TMEM44: variants seen among roughly 807,000 people sequenced by gnomAD.
TMEM44 encodes the protein transmembrane protein 44.
Under a neutral mutation model 47.8 loss-of-function variants are expected in TMEM44, and 43 were observed. That is an observed-to-expected ratio of 0.90 (90% CI 0.70 to 1.16). The LOEUF (loss-of-function observed/expected upper bound fraction) is 1.16, where lower values mean the gene tolerates loss of function less well. TMEM44 is among the 50% of genes most tolerant of loss of function. The pLI is 0.00. For missense variants in TMEM44, 568 were observed against 555.2 expected (o/e 1.02, Z -0.23); for synonymous variants, 277 against 238.8 (o/e 1.16, Z -1.48).
chr3:194,594,121 A>ATCTGTCTGTCTGTCTG (rs754572078), intron 9 of TMEM44, among the ~76,000 whole-genome samples: 5 of 70,472 alleles, frequency 7.1e-5, no homozygotes, highest in South Asian at 6.1e-4. Flanking sequence ...CTAATTTTCT[A>ATCTGTCTGTCTGTCTG]TCTATCTATC....
intron 1 of TMEM44, among the ~76,000 whole-genome samples, chr3:194,628,724 G>A (rs1224082658): frequency 6.6e-6 from 1 of 152,192 alleles, no homozygotes; most frequent in Non-Finnish European, 1.5e-5. Flanking sequence ...TAGACCTCGT[G>A]AGATGTGAAG....
intron 9 of TMEM44, among the ~76,000 whole-genome samples, chr3:194,599,617 T>C (rs1463142099): frequency 6.7e-6 from 1 of 149,356 alleles, no homozygotes. Context: ...CAGAGTCTCG[T>C]TCTATTGTCC....
rs377225196 is a variant in TMEM44 at position 194,617,065 on chromosome 3, C to G, written c.783+34G>C. 2.0e-3 allele frequency: 2,898 copies of G among 1,453,620 alleles called. 5 individuals carry two copies. The highest frequency in any genetic ancestry group is 2.4e-3 in the Non-Finnish European group (2,690 of 1,100,404). The allele number at this position is 1,453,620 out of a possible 1,614,324, so 90.0% of individuals were successfully genotyped here. ...ACGAGACACAGGCCTCCTCTGGCTG[C>G]AAGCAGGGAGCTCCCCAGGCCTGGG... On this transcript the variant is annotated intron_variant, in intron 6 of 9. Coordinates refer to ENST00000347147, the MANE Select transcript of TMEM44 (RefSeq NM_001011655.3).
intron 9 of TMEM44, among the ~76,000 whole-genome samples, chr3:194,591,207 A>C (rs545644583): frequency 6.8e-6 from 1 of 146,914 alleles, no homozygotes; most frequent in Non-Finnish European, 1.5e-5. Flanking sequence ...GAAATAAATA[A>C]ATAGGCTGGG....
chr3:194,596,044 G>A (rs867424677), intron 9 of TMEM44, among the ~76,000 whole-genome samples: 13 of 152,300 alleles, frequency 8.5e-5, no homozygotes, highest in African/African-American at 2.9e-4. Context: ...GATAGGCAGA[G>A]AAACGCAGAG....
At chr3:194,599,042 A>G (rs1304587817) in intron 9 of TMEM44, among the ~76,000 whole-genome samples, 1 of 152,170 alleles carries the variant, frequency 6.6e-6, no homozygotes, top group Non-Finnish European at 1.5e-5. Flanking sequence ...AAGAGCAGAG[A>G]CAGACACCCT....
rs867783545 is a variant in TMEM44 at position 194,615,805 on chromosome 3, C to T, written c.784-108G>A. ...CCCCCCTCCCCACTCACCTACTCTC[C>T]TCCCTCCCCTGTATTATCCTGCCTG... On this transcript the variant is annotated intron_variant, in intron 6 of 9. Coordinates refer to ENST00000347147, the MANE Select transcript of TMEM44 (RefSeq NM_001011655.3). 36 of 1,421,514 alleles carry T rather than the reference C, an allele frequency of 2.5e-5. 1 individual carries two copies. In the Middle Eastern group the frequency reaches 4.0e-3, roughly 159 times the overall value. The allele number at this position is 1,421,514 out of a possible 1,614,324, so 88.1% of individuals were successfully genotyped here. A position where few individuals can be genotyped will look rare whatever the true frequency, so the allele number is the denominator to read the frequency against.
chr3:194,615,816 G>C, intron 6 of TMEM44, 119 bp from the exon 7 acceptor site: 2 of 1,350,244 alleles, frequency 1.5e-6, no homozygotes, highest in Middle Eastern at 3.9e-4. Context: ...TCCCTCCCCT[G>C]TATTATCCTG....
chr3:194,604,283 G>T lies in TMEM44; in HGVS notation c.1176+4C>A. 6.3e-7 allele frequency: 1 copy of T among 1,576,400 alleles called. No individual in the cohort carries two copies. Among genetic ancestry groups the T allele is most frequent in the South Asian group, 1.2e-5 (1 of 85,722 alleles). On this transcript the variant is annotated splice_donor_region_variant and intron_variant, in intron 9 of 9. Transcript: ENST00000347147. ...CACCCGCCCAGCAGGCAACAGCCGT[G>T]TACCTCCAGGTCGGAGTTGATGGAG... is the stretch of plus-strand genomic sequence containing the variant.
chr3:194,600,201 C>T (rs1284192116), intron 9 of TMEM44, among the ~76,000 whole-genome samples: 2 of 152,230 alleles, frequency 1.3e-5, no homozygotes, highest in Non-Finnish European at 2.9e-5. Context: ...AAGCAATCTT[C>T]CCACCTCAGT....
chr3:194,616,413 G>A (rs1242295921), intron 6 of TMEM44: 4 of 357,498 alleles, frequency 1.1e-5, no homozygotes, highest in African/African-American at 2.1e-5. Context: ...TGAAGTCATA[G>A]TGGATTGGAC....
chr3:194,591,055 ATAG>A (rs1213892718), intron 9 of TMEM44, among the ~76,000 whole-genome samples: 1 of 148,668 alleles, frequency 6.7e-6, no homozygotes, highest in Non-Finnish European at 1.5e-5. Flanking sequence ...TTAGCCAAGT[ATAG>A]TGGTGGGCGC....
At chr3:194,628,237 G>T in intron 2 of TMEM44, 146 bp downstream of exon 2, 2 of 1,153,396 alleles carry the variant, frequency 1.7e-6, no homozygotes, top group Non-Finnish European at 2.4e-6. Flanking sequence ...GGGGGCAGAA[G>T]GAACAGCCAG....
chr3:194,603,947 A>AG (rs1417078759), intron 9 of TMEM44, among the ~76,000 whole-genome samples: 4 of 151,364 alleles, frequency 2.6e-5, no homozygotes, highest in Non-Finnish European at 5.9e-5. Flanking sequence ...TCTGCCTCCC[A>AG]GGTTCAAGAG....
intron 1 of TMEM44, 23 bp downstream of exon 1, chr3:194,633,056 C>T (rs1717990773): frequency 6.5e-7 from 1 of 1,546,278 alleles, no homozygotes; most frequent in African/African-American, 1.4e-5. Context: ...GCCCGACAGC[C>T]CCCCGACCCG....
At chr3:194,626,429 G>C (rs1277601514) in intron 2 of TMEM44, among the ~76,000 whole-genome samples, 1 of 152,192 alleles carries the variant, frequency 6.6e-6, no homozygotes, top group Non-Finnish European at 1.5e-5. Context: ...TTACACCAGT[G>C]TCTATGGGAA....
In TMEM44 at chr3:194,604,349, T is replaced by G; in HGVS notation, c.1114A>C (p.Ile372Leu). 6.4e-7 allele frequency: 1 copy of G among 1,573,388 alleles called. No individual in the cohort carries two copies. Among genetic ancestry groups the G allele is most frequent in the Non-Finnish European group, 8.6e-7 (1 of 1,159,824 alleles). Reference sequence around the variant, plus strand: ...CTGCCGGAAGACACCCGGGCCCGGATGACCTGAACGGGAGGGTACGACGGG... The same window carrying G: ...CTGCCGGAAGACACCCGGGCCCGGAGGACCTGAACGGGAGGGTACGACGGG... ...DPPSYPPVQV[I>L]RARVSSGSSS... The change falls in exon 9 of 10, where the codon ATC becomes CTC. Residue 372 changes from isoleucine (I) to leucine (L), a missense_variant. Ile to Leu is a conservative substitution (Grantham distance 5). Transcript: ENST00000347147.
Position 194,633,351 on chromosome 3 carries a change from C to T in TMEM44, c.-136G>A, listed in dbSNP as rs535023923. The T allele has an allele frequency of 1.0e-4, 32 of 319,230 alleles. No individual in the cohort carries two copies. Among genetic ancestry groups the T allele is most frequent in the Admixed American group, 2.5e-4 (4 of 15,740 alleles). The allele number at this position is 319,230 out of a possible 1,614,324, so 19.8% of individuals were successfully genotyped here. A position where few individuals can be genotyped will look rare whatever the true frequency, so the allele number is the denominator to read the frequency against. On this transcript the variant is annotated 5_prime_UTR_variant, in exon 1 of 10. Transcript: ENST00000347147. ...CCGCGGCGCCTCCGGCCGAGCGCACCGACCGCGGGCAGAGAAGGGCGCGCT... is the reference window on the plus strand; with the variant it reads ...CCGCGGCGCCTCCGGCCGAGCGCACTGACCGCGGGCAGAGAAGGGCGCGCT...
At position 194,599,593 on chromosome 3, in the gene TMEM44, T is replaced by TTTTC. The variant is rs1560164177; in HGVS notation, c.1176+4693_1176+4694insGAAA. Among the ~76,000 whole-genome samples the TTTTC allele has an allele frequency of 3.1e-3, 472 of 150,158 alleles. 9 individuals carry two copies. Among genetic ancestry groups the TTTTC allele is most frequent in the African/African-American group, 0.011 (451 of 40,964 alleles). On this transcript the variant is annotated intron_variant, in intron 9 of 9. Transcript: ENST00000347147. ...TCATTTTCTTTTTCTTTTCTTTTTT[T>TTTTC]TTTTTTTTTGAGACAGAGTCTCGTT...
Sources: allele counts gnomAD v4.1 joint callset (sites outside exome capture counted in the v4.1 genomes callset), GRCh38; gene constraint gnomAD v4.1.1; transcripts MANE v1.5; gene names NCBI Gene and HGNC (gene_info 2026-07-23, HGNC 2026-07-21).